The following NIPAL3 variants were observed in gnomAD, a reference collection of about 807,000 sequenced individuals.
The protein encoded by NIPAL3 is NIPA-like protein 3.
A neutral mutation model predicts 47.2 loss-of-function variants in NIPAL3; 41 were observed. The observed-to-expected ratio is 0.87, with a 90% CI of 0.68 to 1.13. The LOEUF (loss-of-function observed/expected upper bound fraction) is 1.13, where lower values mean the gene tolerates loss of function less well. Among genes scored for constraint, NIPAL3 ranks in the 50% most tolerant of loss-of-function variants. NIPAL3 has a pLI of 0.00. For missense variants in NIPAL3, 449 were observed against 530.1 expected (o/e 0.85, Z 1.50); for synonymous variants, 194 against 209.6 (o/e 0.93, Z 0.64).
At chr1:24,426,356 G>C (rs889671730) in intron 2 of NIPAL3, among the ~76,000 whole-genome samples, 10 of 151,500 alleles carry the variant, frequency 6.6e-5, no homozygotes, top group Non-Finnish European at 1.2e-4. Context: ...ATGCAGTGGC[G>C]TGATCTTGGC....
intron 1 of NIPAL3, among the ~76,000 whole-genome samples, chr1:24,418,624 C>T (rs761082191): frequency 3.5e-4 from 53 of 152,216 alleles, no homozygotes; most frequent in South Asian, 1.0e-3. Context: ...AGGAAAAGTT[C>T]GGGAAGCACT....
chr1:24,468,892 G>A (rs1228754588), intron 11 of NIPAL3, 94 bp from the exon 12 acceptor site: 1 of 1,123,876 alleles, frequency 8.9e-7, no homozygotes, highest in Non-Finnish European at 1.3e-6. Context: ...TAGCTGCTGA[G>A]CACTATAATT....
chr1:24,420,853 C>T (rs1447493864), intron 2 of NIPAL3, among the ~76,000 whole-genome samples: 2 of 152,158 alleles, frequency 1.3e-5, no homozygotes, highest in African/African-American at 4.8e-5. Context: ...GAGTGTAAAT[C>T]TCTGTGCTGA....
rs1270993570 is a variant in NIPAL3 at position 24,416,928 on chromosome 1, GA to G, written c.-258+1028del. 1 of 152,236 alleles carries G rather than the reference GA, an allele frequency of 6.6e-6. No homozygotes were observed. Among genetic ancestry groups the G allele is most frequent in the Non-Finnish European group, 1.5e-5 (1 of 68,090 alleles). 9.4% of individuals were successfully genotyped at this position (152,236 alleles called of 1,614,324 possible). A position where few individuals can be genotyped will look rare whatever the true frequency, so the allele number is the denominator to read the frequency against. ...ACCACCACAAACAAAAGCAAAACCA[GA>G]AAAGCACTTGGGCAAACTACTCTGA... On this transcript the variant is annotated intron_variant, in intron 1 of 11. Coordinates refer to ENST00000374399, the MANE Select transcript of NIPAL3 (RefSeq NM_020448.5). The surrounding 1 kb of genome is among the most constrained non-coding windows in gnomAD (Gnocchi z 4.8).
At chr1:24,430,931 G>A (rs1283163113) in intron 2 of NIPAL3, among the ~76,000 whole-genome samples, 1 of 152,200 alleles carries the variant, frequency 6.6e-6, no homozygotes, top group African/African-American at 2.4e-5. Flanking sequence ...TATAGTTCAA[G>A]TATAAATGAT....
intron 2 of NIPAL3, among the ~76,000 whole-genome samples, chr1:24,427,760 A>G (rs1362791222): frequency 6.6e-6 from 1 of 152,204 alleles, no homozygotes; most frequent in Non-Finnish European, 1.5e-5. Context: ...TTAGCACACC[A>G]TGTGCTCCAT....
At chr1:24,429,832 C>G (rs917420792) in intron 2 of NIPAL3, among the ~76,000 whole-genome samples, 1 of 152,132 alleles carries the variant, frequency 6.6e-6, no homozygotes, top group African/African-American at 2.4e-5. Flanking sequence ...GCTGTCTCAG[C>G]CTGATGGCCT....
intron 4 of NIPAL3, 38 bp downstream of exon 4, chr1:24,442,264 C>T (rs1317599829): frequency 6.3e-7 from 1 of 1,598,168 alleles, no homozygotes; most frequent in Admixed American, 1.7e-5. Context: ...CTGGGGTGCT[C>T]CCAGCTGCGT....
rs780304529 is a variant in NIPAL3 at position 24,469,154 on chromosome 1, A to G, written c.1190A>G (p.Tyr397Cys). ...HGSRSASGVP[Y>C]RVLEHTKKE Reference sequence around the variant, plus strand: ...TCCAGAAGTGCCTCTGGGGTCCCCTACCGAGTCCTAGAGCACACCAAGAAG... The same window carrying G: ...TCCAGAAGTGCCTCTGGGGTCCCCTGCCGAGTCCTAGAGCACACCAAGAAG... Residue 397 changes from tyrosine to cysteine, a missense_variant, in exon 12 of 12, where the codon TAC becomes TGC. Physicochemically the swap from Tyr to Cys is radical, Grantham distance 194. Coordinates refer to ENST00000374399, the MANE Select transcript of NIPAL3 (RefSeq NM_020448.5). The G allele has an allele frequency of 1.4e-5, 23 of 1,613,998 alleles. No homozygotes were observed. In the East Asian group the frequency reaches 4.7e-4, roughly 33 times the overall value.
At chr1:24,461,116 T>G (rs1646448813) in intron 10 of NIPAL3, among the ~76,000 whole-genome samples, 1 of 152,228 alleles carries the variant, frequency 6.6e-6, no homozygotes, top group Non-Finnish European at 1.5e-5. Flanking sequence ...ACAATAGAAA[T>G]GCTCAGCAGT....
intron 2 of NIPAL3, among the ~76,000 whole-genome samples, chr1:24,427,940 A>G (rs1271382186): frequency 6.6e-6 from 1 of 152,176 alleles, no homozygotes; most frequent in Non-Finnish European, 1.5e-5. Context: ...TCCCCAGGGC[A>G]GGTCATAGAA....
intron 2 of NIPAL3, 115 bp downstream of exon 2, chr1:24,419,755 C>T (rs1349863179): frequency 3.4e-6 from 3 of 885,036 alleles, no homozygotes; most frequent in South Asian, 1.6e-5. Flanking sequence ...CTGGTAGAAA[C>T]AGGCAGGCTC....
chr1:24,414,380 AATT>A (rs2148725246), upstream of NIPAL3: 1 of 150,928 alleles, frequency 6.6e-6, no homozygotes, highest in African/African-American at 2.4e-5. Flanking sequence ...AAAAAAAAAA[AATT>A]GACATGGGCG....
At chr1:24,425,878 C>T (rs1644562932) in intron 2 of NIPAL3, among the ~76,000 whole-genome samples, 1 of 152,198 alleles carries the variant, frequency 6.6e-6, no homozygotes, top group Non-Finnish European at 1.5e-5. Context: ...GCAAGTGTCA[C>T]CTTTTCATCC....
rs1277565219 is a variant in NIPAL3 at position 24,464,140 on chromosome 1, G to A, written c.1021+20G>A. The A allele has an allele frequency of 6.3e-7, 1 of 1,595,008 alleles. No individual in the cohort carries two copies. On this transcript the variant is annotated intron_variant, in intron 11 of 11. Transcript: ENST00000374399. ...TGCCAGGTAAGGTTAAAGCCCCGTG[G>A]GTCTAGCTGAACATCCATATAGAAT... is the stretch of plus-strand genomic sequence containing the variant.
At position 24,454,661 on chromosome 1, in the gene NIPAL3, AT is replaced by A; in HGVS notation, c.637+1161del. 1.6e-6 allele frequency: 1 copy of A among 637,976 alleles called. No individual in the cohort carries two copies. Among genetic ancestry groups the A allele is most frequent in the Non-Finnish European group, 1.9e-6 (1 of 512,984 alleles). The allele number at this position is 637,976 out of a possible 1,614,324, so 39.5% of individuals were successfully genotyped here. A position where few individuals can be genotyped will look rare whatever the true frequency, so the allele number is the denominator to read the frequency against. On this transcript the variant is annotated intron_variant, in intron 7 of 11. Coordinates refer to ENST00000374399, the MANE Select transcript of NIPAL3 (RefSeq NM_020448.5). This position sits in a 1 kb window ranked among gnomAD's most constrained non-coding sequence, Gnocchi z 4.1. ...GTTGTGAAACCATCATCCTAATCTA[AT>A]TTTAGAACATTTTGTCACCCCCAAA...
intron 4 of NIPAL3, among the ~76,000 whole-genome samples, chr1:24,442,557 G>T (rs528110052): frequency 6.6e-6 from 1 of 152,300 alleles, no homozygotes; most frequent in Non-Finnish European, 1.5e-5. Context: ...CTGGCTCCAG[G>T]TTCTGTTTAA....
At chr1:24,427,994 C>G (rs1644676129) in intron 2 of NIPAL3, among the ~76,000 whole-genome samples, 1 of 152,166 alleles carries the variant, frequency 6.6e-6, no homozygotes, top group Non-Finnish European at 1.5e-5. Context: ...GCTTGTAATC[C>G]CAGAACTCTG....
upstream of NIPAL3, chr1:24,414,218 G>A (rs770769995): frequency 2.0e-5 from 3 of 151,350 alleles, no homozygotes; most frequent in Admixed American, 6.6e-5. Context: ...TATTCTTTTT[G>A]TATTTTTAGT....
Sources: allele counts gnomAD v4.1 joint callset (sites outside exome capture counted in the v4.1 genomes callset), GRCh38; gene constraint gnomAD v4.1.1; non-coding constraint Gnocchi (gnomAD v3.1); transcripts MANE v1.5; gene names NCBI Gene and HGNC (gene_info 2026-07-23, HGNC 2026-07-21).